The following SLC18B1 variants were observed in gnomAD, a reference collection of about 807,000 sequenced individuals.
SLC18B1 encodes MFS-type transporter SLC18B1.
SLC18B1 carries 62 observed loss-of-function variants against 53.9 expected under a neutral mutation model. The ratio of observed to expected loss-of-function variants is 1.15; its 90% confidence interval spans 0.94 to 1.42. SLC18B1 has a LOEUF of 1.42. Ranked by LOEUF, SLC18B1 falls within the 40% of genes most tolerant of loss-of-function variation. The pLI, the probability that SLC18B1 is intolerant of heterozygous loss-of-function variation, is 0.00. For missense variants in SLC18B1, 598 were observed against 547.3 expected (o/e 1.09, Z -0.93); for synonymous variants, 217 against 200.9 (o/e 1.08, Z -0.68).
Position 132,770,210 on chromosome 6 carries a change from T to A in SLC18B1, c.*60A>T. On this transcript the variant is annotated 3_prime_UTR_variant, in exon 14 of 14. Transcript: ENST00000275227. Reference sequence around the variant, plus strand: ...AAAATTTTAAAAACCCTTCCTACGGTGATGTTTAAGGCCAGGAGCATTCAT... The same window carrying A: ...AAAATTTTAAAAACCCTTCCTACGGAGATGTTTAAGGCCAGGAGCATTCAT... The A allele has an allele frequency of 1.2e-5, 17 of 1,402,834 alleles. No homozygotes were observed. The highest frequency in any genetic ancestry group is 1.7e-5 in the Non-Finnish European group (17 of 995,912). The allele number at this position is 1,402,834 out of a possible 1,614,324, so 86.9% of individuals were successfully genotyped here. A position where few individuals can be genotyped will look rare whatever the true frequency, so the allele number is the denominator to read the frequency against.
chr6:132,771,212 GT>G, intron 11 of SLC18B1, 83 bp from the exon 12 acceptor site: 1 of 1,236,220 alleles, frequency 8.1e-7, no homozygotes, highest in Non-Finnish European at 1.2e-6. Context: ...TCCTTCAATT[GT>G]AAGTCTTCAT....
In SLC18B1 at chr6:132,782,777, ATTTTTTT is replaced by A. The variant is rs397886990; in HGVS notation, c.658+1149_658+1155del. On this transcript the variant is annotated intron_variant, in intron 6 of 13. Transcript: ENST00000275227. ...TATAAACTCTTCTAAAATAATAACAATTTTTTTTTTTTTTTGAGATGGAGTCTCACTT... is the reference window on the plus strand; with the variant it reads ...TATAAACTCTTCTAAAATAATAACAATTTTTTTTGAGATGGAGTCTCACTT... Among the ~76,000 whole-genome samples, 15 of 144,586 alleles carry A rather than the reference ATTTTTTT, an allele frequency of 1.0e-4. 1 individual carries two copies. In the Admixed American group the frequency reaches 1.0e-3, roughly 10 times the overall value. The allele number at this position is 144,586 out of a possible 152,430, so 94.9% of individuals were successfully genotyped here. A position where few individuals can be genotyped will look rare whatever the true frequency, so the allele number is the denominator to read the frequency against.
chr6:132,794,033 C>T (rs1562272511), intron 2 of SLC18B1, among the ~76,000 whole-genome samples: 2 of 152,240 alleles, frequency 1.3e-5, no homozygotes, highest in Non-Finnish European at 2.9e-5. Context: ...AGGAAATGCC[C>T]TTCTCACTGG....
chr6:132,794,654 C>A (rs1781626304), intron 2 of SLC18B1, among the ~76,000 whole-genome samples: 1 of 152,092 alleles, frequency 6.6e-6, no homozygotes, highest in East Asian at 1.9e-4. Context: ...GTGACTATAC[C>A]TAGAACACCT....
intron 6 of SLC18B1, among the ~76,000 whole-genome samples, chr6:132,779,743 G>A (rs1482024242): frequency 6.6e-6 from 1 of 152,196 alleles, no homozygotes; most frequent in African/African-American, 2.4e-5. Flanking sequence ...CTGTTCTCAT[G>A]CTGCTAATAA....
intron 2 of SLC18B1, among the ~76,000 whole-genome samples, chr6:132,796,267 A>T (rs1781679237): frequency 6.7e-6 from 1 of 149,222 alleles, no homozygotes; most frequent in Admixed American, 6.7e-5. Flanking sequence ...AGGCAGGAGA[A>T]TGGCGTGAAC....
intron 2 of SLC18B1, 111 bp from the exon 3 acceptor site, chr6:132,790,383 A>T: frequency 1.6e-6 from 1 of 634,920 alleles, no homozygotes; most frequent in Non-Finnish European, 2.5e-6. Context: ...TCTGTATATC[A>T]GTTTCAAAAA....
chr6:132,791,202 T>C (rs1280694907), intron 2 of SLC18B1, among the ~76,000 whole-genome samples: 1 of 152,218 alleles, frequency 6.6e-6, no homozygotes, highest in Non-Finnish European at 1.5e-5. Context: ...ATTGACCGTC[T>C]TATATATATG....
In SLC18B1 at chr6:132,772,198, C is replaced by A. The variant is rs749110104; in HGVS notation, c.1094G>T (p.Gly365Val). The change falls in exon 11 of 14, where the codon GGG becomes GTG. Residue 365 changes from glycine (G) to valine (V), a missense_variant. Gly to Val is a moderately radical substitution (Grantham distance 109, BLOSUM62 -3). Transcript: ENST00000275227. ...PEILSCAHENGFEEGLSTLGL... is the reference protein window; with the variant it reads ...PEILSCAHENVFEEGLSTLGL... ...CAATGTACTTAATCCCTCTTCAAAC[C>A]CATTTTCACTGCAAAAAGAGACATG... The A allele has an allele frequency of 1.9e-6, 3 of 1,564,756 alleles. No homozygotes were observed. Among genetic ancestry groups the A allele is most frequent in the African/African-American group, 1.4e-5 (1 of 71,068 alleles).
At chr6:132,788,100 G>A (rs922175280) in intron 4 of SLC18B1, among the ~76,000 whole-genome samples, 7 of 151,674 alleles carry the variant, frequency 4.6e-5, no homozygotes, top group South Asian at 2.1e-4. Flanking sequence ...GGCGCAGTTT[G>A]CAGTGAGCCG....
intron 8 of SLC18B1, among the ~76,000 whole-genome samples, chr6:132,775,930 G>A (rs1781087253): frequency 1.3e-5 from 2 of 152,188 alleles, no homozygotes; most frequent in African/African-American, 4.8e-5. Context: ...GGAGCTGGAT[G>A]TGGTGGCACA....
intron 11 of SLC18B1, among the ~76,000 whole-genome samples, 174 bp downstream of exon 11, chr6:132,771,958 G>T (rs1044566412): frequency 2.0e-5 from 3 of 152,058 alleles, no homozygotes; most frequent in African/African-American, 7.2e-5. Flanking sequence ...CAGATGTGGT[G>T]GTGGGCACCT....
rs1054587849 is a variant in SLC18B1 at position 132,798,621 on chromosome 6, A to C, written c.-165T>G. The stretch of plus-strand genomic sequence containing the variant: ...GATCCGCCCGGCCCGGAGCTCCCCA[A>C]AGCCTTCCAGGACTCTGGGTCCCCG... On this transcript the variant is annotated 5_prime_UTR_variant, in exon 1 of 14. Transcript: ENST00000275227. 29 of 634,282 alleles carry C rather than the reference A, an allele frequency of 4.6e-5. No individual in the cohort carries two copies. The highest frequency in any genetic ancestry group is 6.4e-5 in the Non-Finnish European group (27 of 423,134). 39.3% of individuals were successfully genotyped at this position (634,282 alleles called of 1,614,324 possible). A position where few individuals can be genotyped will look rare whatever the true frequency, so the allele number is the denominator to read the frequency against.
chr6:132,772,972 C>G, intron 10 of SLC18B1, 21 bp downstream of exon 10: 3 of 1,567,758 alleles, frequency 1.9e-6, no homozygotes, highest in Non-Finnish European at 2.6e-6. Flanking sequence ...TACAGCTCTT[C>G]AAGCAATGGA....
rs987989439 is a variant in SLC18B1, at chr6:132,779,367, G to T, written c.696C>A (p.Ile232=). ...CTATAAGGCCAACTTTGGGTAAAGC[G>T]ATCAGTTTCCAGAATGAGTGTTCAC... ...DPGEHSFWKL[I]ALPKVGLIAF... is the part of the protein sequence containing the mutation. The change falls in exon 7 of 14, where the codon ATC becomes ATA. Residue 232 remains isoleucine, a synonymous_variant. Transcript: ENST00000275227. 2 of 1,613,284 alleles carry T rather than the reference G, an allele frequency of 1.2e-6. No individual in the cohort carries two copies. The highest frequency in any genetic ancestry group is 8.5e-7 in the Non-Finnish European group (1 of 1,179,580).
intron 2 of SLC18B1, among the ~76,000 whole-genome samples, chr6:132,792,897 T>C (rs1326191074): frequency 6.6e-6 from 1 of 152,150 alleles, no homozygotes; most frequent in African/African-American, 2.4e-5. Context: ...GGCGAGTGGA[T>C]CACCTGAGGT....
Position 132,769,580 on chromosome 6 carries a change from C to T in SLC18B1, c.*690G>A, listed in dbSNP as rs761198262. ...CAGAGACATTAAAGGAAATGAAAAA[C>T]GTTATACCAAGTAATGTTTATAAAT... On this transcript the variant is annotated 3_prime_UTR_variant, in exon 14 of 14. Coordinates refer to ENST00000275227, the MANE Select transcript of SLC18B1 (RefSeq NM_052831.3). 2.0e-5 allele frequency: 3 copies of T among 152,140 alleles called. No homozygotes were observed. Among genetic ancestry groups the T allele is most frequent in the East Asian group, 3.8e-4 (2 of 5,196 alleles). 9.4% of individuals were successfully genotyped at this position (152,140 alleles called of 1,614,324 possible).
intron 5 of SLC18B1, among the ~76,000 whole-genome samples, chr6:132,786,421 C>T (rs1357884782): frequency 6.6e-5 from 10 of 151,744 alleles, no homozygotes; most frequent in East Asian, 5.8e-4. Context: ...TGGTGGCGGG[C>T]GCCTGTAGTC....
At chr6:132,784,207 G>A (rs1390439442) in intron 5 of SLC18B1, 118 bp from the exon 6 acceptor site, 2 of 694,136 alleles carry the variant, frequency 2.9e-6, no homozygotes, top group South Asian at 5.6e-5. Flanking sequence ...CTCCCAAGAT[G>A]GCCCCAAAAT....
Sources: allele counts gnomAD v4.1 joint callset (sites outside exome capture counted in the v4.1 genomes callset), GRCh38; gene constraint gnomAD v4.1.1; transcripts MANE v1.5; gene names NCBI Gene and HGNC (gene_info 2026-07-23, HGNC 2026-07-21).